Variants in PACRG observed in about 807,000 individuals in gnomAD.
PACRG encodes parkin coregulated, also known as parkin coregulated gene protein.
In PACRG, 29 loss-of-function variants were observed where a neutral mutation model predicts 29.7. That is an observed-to-expected ratio of 0.98 (90% CI 0.73 to 1.33). PACRG has a LOEUF of 1.33. Among genes scored for constraint, PACRG ranks in the 40% most tolerant of loss-of-function variants. The pLI, the probability that PACRG is intolerant of heterozygous loss-of-function variation, is 0.00. For synonymous variants in PACRG, 116 were observed against 118.7 expected (o/e 0.98, Z 0.15); for missense variants, 279 against 316.2 (o/e 0.88, Z 0.89).
intron 2 of PACRG, among the ~76,000 whole-genome samples, chr6:162,953,481 A>G (rs767624657): frequency 1.1e-4 from 16 of 152,208 alleles, no homozygotes; most frequent in Admixed American, 2.0e-4. Flanking sequence ...GAAAGGCAAC[A>G]TGAACAAAGC....
chr6:163,113,934 G>C (rs1446895659), intron 4 of PACRG, among the ~76,000 whole-genome samples: 5 of 152,118 alleles, frequency 3.3e-5, no homozygotes, highest in African/African-American at 1.2e-4. Context: ...AAAAATACAA[G>C]TTCATGTTTT....
intron 1 of PACRG, among the ~76,000 whole-genome samples, chr6:162,750,172 G>A (rs2128278609): frequency 6.6e-6 from 1 of 152,228 alleles, no homozygotes; most frequent in South Asian, 2.1e-4. Flanking sequence ...TTCTTTCAAA[G>A]ATACCTTAGG....
intron 3 of PACRG, among the ~76,000 whole-genome samples, chr6:163,068,434 A>C (rs1220830264): frequency 6.7e-6 from 1 of 150,320 alleles, no homozygotes; most frequent in East Asian, 1.9e-4. Flanking sequence ...AACATTTTTG[A>C]ATCTTTATCT....
intron 2 of PACRG, among the ~76,000 whole-genome samples, chr6:162,987,377 C>T (rs913312529): frequency 1.3e-5 from 2 of 152,124 alleles, no homozygotes; most frequent in African/African-American, 4.8e-5. Context: ...CCATGGATAC[C>T]AGCATGATAT....
intron 4 of PACRG, among the ~76,000 whole-genome samples, chr6:163,228,627 C>T (rs191394072): frequency 4.6e-5 from 7 of 152,190 alleles, no homozygotes; most frequent in East Asian, 1.9e-4. Flanking sequence ...TTAAAACTTT[C>T]GGCAATACTG....
intron 2 of PACRG, among the ~76,000 whole-genome samples, chr6:162,885,401 C>T (rs971328590): frequency 3.9e-5 from 6 of 152,014 alleles, no homozygotes; most frequent in Non-Finnish European, 8.8e-5. Context: ...TCCCAAGTAG[C>T]TGGGATTATA....
intron 2 of PACRG, among the ~76,000 whole-genome samples, chr6:162,876,777 CTT>C (rs1253186045): frequency 6.6e-6 from 1 of 152,200 alleles, no homozygotes; most frequent in Non-Finnish European, 1.5e-5. Context: ...GTCATGAAGT[CTT>C]TGCCCACACC....
At chr6:163,119,066 C>G (rs908430667) in intron 4 of PACRG, among the ~76,000 whole-genome samples, 2 of 152,230 alleles carry the variant, frequency 1.3e-5, no homozygotes, top group Non-Finnish European at 2.9e-5. Context: ...GGGGCTCTTT[C>G]AGGCATGAGC....
At chr6:163,314,727 G>C in intron 4 of PACRG, 100 bp from the exon 5 acceptor site, 1 of 1,285,694 alleles carries the variant, frequency 7.8e-7, no homozygotes, top group Non-Finnish European at 1.0e-6. Flanking sequence ...GCATGTTTGT[G>C]TCTCCTAATA....
chr6:163,068,447 G>A (rs2128275841), intron 3 of PACRG, among the ~76,000 whole-genome samples: 1 of 149,838 alleles, frequency 6.7e-6, no homozygotes, highest in Non-Finnish European at 1.5e-5. Context: ...CTTTATCTCT[G>A]GTGATATGAA....
chr6:163,105,506 C>T (rs1431869472), intron 4 of PACRG, among the ~76,000 whole-genome samples: 1 of 151,682 alleles, frequency 6.6e-6, no homozygotes, highest in Non-Finnish European at 1.5e-5. Context: ...TTGCTTGGCT[C>T]AAAGAAATAT....
rs114491426 is a variant in PACRG at position 163,104,593 on chromosome 6, G to A, written c.613+15185G>A. The stretch of plus-strand genomic sequence containing the variant: ...AGACCAGAGTCTCTGTGGGTCTCAT[G>A]GGGAAAAATAGTAACTCGCATGTGA... On this transcript the variant is annotated intron_variant, in intron 4 of 4. Transcript: ENST00000366888. Among the ~76,000 whole-genome samples, 239 of 152,230 alleles carry A rather than the reference G, an allele frequency of 1.6e-3. 2 individuals are homozygous for A. The highest frequency in any genetic ancestry group is 5.5e-3 in the African/African-American group (229 of 41,544).
chr6:163,150,910 T>C (rs1469862872), intron 4 of PACRG, among the ~76,000 whole-genome samples: 2 of 152,212 alleles, frequency 1.3e-5, no homozygotes, highest in African/African-American at 4.8e-5. Flanking sequence ...TCTACATTAT[T>C]ATTGGTTTGG....
At chr6:163,117,798 C>T (rs962551460) in intron 4 of PACRG, among the ~76,000 whole-genome samples, 4 of 151,254 alleles carry the variant, frequency 2.6e-5, no homozygotes, top group African/African-American at 9.7e-5. Flanking sequence ...GGCAAGGTCA[C>T]TATGTGGAGA....
chr6:163,123,858 A>G (rs887118334), intron 4 of PACRG, among the ~76,000 whole-genome samples: 1 of 152,216 alleles, frequency 6.6e-6, no homozygotes, highest in Non-Finnish European at 1.5e-5. Flanking sequence ...ATAGTATTCT[A>G]CTATATGCAT....
At chr6:163,196,455 A>G (rs1215288532) in intron 4 of PACRG, among the ~76,000 whole-genome samples, 1 of 152,200 alleles carries the variant, frequency 6.6e-6, no homozygotes, top group East Asian at 1.9e-4. Context: ...GCTGCTCTGC[A>G]CCTTAGAGAT....
intron 4 of PACRG, among the ~76,000 whole-genome samples, chr6:163,119,126 T>C (rs7772058): frequency 0.11 from 16,156 of 152,238 alleles, 2,834 homozygotes; most frequent in African/African-American, 0.36. Context: ...CCCAGGGCCA[T>C]CTGCTGTGCT....
At chr6:162,751,697 A>T (rs1255837154) in intron 1 of PACRG, among the ~76,000 whole-genome samples, 1 of 152,184 alleles carries the variant, frequency 6.6e-6, no homozygotes, top group African/African-American at 2.4e-5. Flanking sequence ...CTGTGCTTGC[A>T]TTTGTAATCA....
intron 2 of PACRG, among the ~76,000 whole-genome samples, chr6:162,999,395 T>G (rs4709669): frequency 6.6e-6 from 1 of 152,038 alleles, no homozygotes; most frequent in African/African-American, 2.4e-5. Context: ...TATGTGCAAG[T>G]TGTTTACTGG....
Sources: gnomAD v4.1 joint callset for allele counts (sites outside exome capture counted in the v4.1 genomes callset) on GRCh38, gnomAD v4.1.1 for gene constraint, MANE v1.5 for transcripts, NCBI Gene and HGNC (gene_info 2026-07-23, HGNC 2026-07-21) for gene names.